The following ADAM18 variants were observed in gnomAD, a reference collection of about 807,000 sequenced individuals.
ADAM18 encodes disintegrin and metalloproteinase domain-containing protein 18.
Under a neutral mutation model 94.4 loss-of-function variants are expected in ADAM18, and 117 were observed. That is an observed-to-expected ratio of 1.24 (90% CI 1.07 to 1.45). The LOEUF is 1.45. Among genes scored for constraint, ADAM18 ranks in the 40% most tolerant of loss-of-function variants. ADAM18 has a pLI of 0.00. For synonymous variants in ADAM18, 327 were observed against 291.6 expected (o/e 1.12, Z -1.24); for missense variants, 936 against 880.0 (o/e 1.06, Z -0.81).
chr8:39,632,593 A>G (rs527422763), intron 7 of ADAM18, among the ~76,000 whole-genome samples: 1 of 152,130 alleles, frequency 6.6e-6, no homozygotes, highest in Non-Finnish European at 1.5e-5. Flanking sequence ...ATTTATGTTC[A>G]TGAAATAATG....
chr8:39,586,778 A>ATCTG (rs1213085324), intron 2 of ADAM18, among the ~76,000 whole-genome samples: 1 of 128,164 alleles, frequency 7.8e-6, no homozygotes, highest in Non-Finnish European at 1.8e-5. Context: ...CTATCTATCT[A>ATCTG]TCTATCTATC....
At chr8:39,605,508 A>G (rs1246882123) in intron 2 of ADAM18, among the ~76,000 whole-genome samples, 2 of 152,134 alleles carry the variant, frequency 1.3e-5, no homozygotes, top group Admixed American at 1.3e-4. Context: ...AATAGGTATG[A>G]CTGCACATAT....
chr8:39,648,813 T>C (rs1820453146), intron 12 of ADAM18, among the ~76,000 whole-genome samples: 1 of 152,122 alleles, frequency 6.6e-6, no homozygotes, highest in Non-Finnish European at 1.5e-5. Flanking sequence ...TATACACATC[T>C]CAGTTCCTAA....
chr8:39,708,284 C>A (rs1822295293), intron 18 of ADAM18, among the ~76,000 whole-genome samples: 1 of 152,158 alleles, frequency 6.6e-6, no homozygotes, highest in Non-Finnish European at 1.5e-5. Context: ...CAGAGATATT[C>A]AGCTTCAATT....
intron 12 of ADAM18, among the ~76,000 whole-genome samples, chr8:39,653,688 C>T (rs1820602950): frequency 6.6e-6 from 1 of 152,074 alleles, no homozygotes; most frequent in Non-Finnish European, 1.5e-5. Context: ...GAGGATATTT[C>T]AAGAATAGTT....
intron 6 of ADAM18, among the ~76,000 whole-genome samples, chr8:39,615,272 A>G (rs534979765): frequency 2.0e-5 from 3 of 152,274 alleles, no homozygotes; most frequent in South Asian, 2.1e-4. Context: ...ACACAGTACA[A>G]TAAAGATAGA....
At chr8:39,593,540 A>T (rs1428517030) in intron 2 of ADAM18, among the ~76,000 whole-genome samples, 2 of 152,208 alleles carry the variant, frequency 1.3e-5, no homozygotes, top group African/African-American at 2.4e-5. Flanking sequence ...ATAAAAAAAA[A>T]ATCAGACATG....
At chr8:39,609,153 G>A (rs767402097) in intron 4 of ADAM18, 33 bp downstream of exon 4, 6 of 1,347,810 alleles carry the variant, frequency 4.5e-6, no homozygotes, top group African/African-American at 4.4e-5. Context: ...TTTTGTTAAA[G>A]TGGTTATATT....
At chr8:39,700,196 CAT>C (rs1306767947) in intron 17 of ADAM18, among the ~76,000 whole-genome samples, 3 of 152,074 alleles carry the variant, frequency 2.0e-5, no homozygotes, top group Admixed American at 6.5e-5. Context: ...AAGAAAATCA[CAT>C]AATGACTAGA....
intron 10 of ADAM18, among the ~76,000 whole-genome samples, chr8:39,640,130 A>G (rs988943793): frequency 3.3e-5 from 5 of 151,990 alleles, no homozygotes; most frequent in Non-Finnish European, 7.4e-5. Flanking sequence ...CATCACATAG[A>G]TATTAAGCCC....
intron 7 of ADAM18, among the ~76,000 whole-genome samples, chr8:39,632,988 G>T (rs1464918504): frequency 6.6e-6 from 1 of 152,116 alleles, no homozygotes; most frequent in Non-Finnish European, 1.5e-5. Flanking sequence ...TGTCATGAAA[G>T]CTCCTTCCCT....
At chr8:39,710,319 A>T (rs1232549334) in intron 18 of ADAM18, among the ~76,000 whole-genome samples, 1 of 152,228 alleles carries the variant, frequency 6.6e-6, no homozygotes, top group East Asian at 1.9e-4. Context: ...AGATGAAATG[A>T]GTTACATGTT....
At chr8:39,612,140 AAAAG>A (rs1819295444) in intron 6 of ADAM18, among the ~76,000 whole-genome samples, 1 of 152,138 alleles carries the variant, frequency 6.6e-6, no homozygotes, top group Admixed American at 6.5e-5. Context: ...GTGAAAAAAA[AAAAG>A]GGAGGGAGGA....
rs771698382 is a variant in ADAM18 at position 39,645,395 on chromosome 8, C to CTTA, written c.968_970dup (p.Leu323_Asn324insIle). ...GGTTATTATAGCTCAACTGCTTGGC[C>CTTA]TTAATGTAGGATTAACATATGATGA... On this transcript the variant is annotated inframe_insertion, in exon 11 of 20. Transcript: ENST00000265707. 3.1e-6 allele frequency: 5 copies of CTTA among 1,612,576 alleles called. No individual in the cohort carries two copies. In the Admixed American group the frequency reaches 6.7e-5, roughly 22 times the overall value.
chr8:39,625,002 A>C (rs1819721792), intron 6 of ADAM18, among the ~76,000 whole-genome samples: 1 of 152,180 alleles, frequency 6.6e-6, no homozygotes, highest in Admixed American at 6.5e-5. Flanking sequence ...GAATGGACTA[A>C]TAAAATTGCT....
chr8:39,612,417 A>G (rs954491471), intron 6 of ADAM18, among the ~76,000 whole-genome samples: 1 of 152,134 alleles, frequency 6.6e-6, no homozygotes, highest in African/African-American at 2.4e-5. Flanking sequence ...CTCTCACTAT[A>G]AAAACCTCCA....
intron 14 of ADAM18, among the ~76,000 whole-genome samples, chr8:39,668,920 T>G (rs1195118421): frequency 6.6e-6 from 1 of 152,118 alleles, no homozygotes; most frequent in Non-Finnish European, 1.5e-5. Context: ...CCATCTTGTC[T>G]TCCTAATTAT....
intron 6 of ADAM18, among the ~76,000 whole-genome samples, chr8:39,617,731 G>A (rs1819485645): frequency 6.6e-6 from 1 of 152,136 alleles, no homozygotes. Context: ...GCAAAGTAAT[G>A]CAGAAATAGT....
At chr8:39,626,977 G>A (rs1253930006) in intron 6 of ADAM18, among the ~76,000 whole-genome samples, 1 of 152,094 alleles carries the variant, frequency 6.6e-6, no homozygotes, top group Non-Finnish European at 1.5e-5. Context: ...AATCTGTCTA[G>A]TGCTGTCAGG....
Sources: gnomAD v4.1 joint callset for allele counts (sites outside exome capture counted in the v4.1 genomes callset) on GRCh38, gnomAD v4.1.1 for gene constraint, MANE v1.5 for transcripts, NCBI Gene and HGNC (gene_info 2026-07-23, HGNC 2026-07-21) for gene names.